Variants in GABRB1 observed in about 807,000 individuals in gnomAD.
GABRB1 encodes gamma-aminobutyric acid receptor subunit beta-1.
A neutral mutation model predicts 51.6 loss-of-function variants in GABRB1; 17 were observed. That is an observed-to-expected ratio of 0.33 (90% CI 0.23 to 0.49). The LOEUF (loss-of-function observed/expected upper bound fraction) is 0.49. GABRB1 is among the 20% of genes least tolerant of loss of function. The pLI is 0.99. For missense variants in GABRB1, 410 were observed against 600.6 expected (o/e 0.68, Z 3.32); for synonymous variants, 247 against 218.9 (o/e 1.13, Z -1.14).
intron 1 of GABRB1, among the ~76,000 whole-genome samples, chr4:47,002,879 A>G (rs566195260): frequency 2.6e-5 from 4 of 152,342 alleles, no homozygotes; most frequent in Non-Finnish European, 2.9e-5. Flanking sequence ...GAATGTCATA[A>G]GAATAGAAGG....
chr4:47,059,690 T>A (rs558952208), intron 3 of GABRB1, among the ~76,000 whole-genome samples: 1 of 152,314 alleles, frequency 6.6e-6, no homozygotes, highest in African/African-American at 2.4e-5. Flanking sequence ...GTGTTCTGCC[T>A]CTGGTGGTCA....
At chr4:47,032,570 G>A (rs775871522) in intron 3 of GABRB1, 86 bp downstream of exon 3, 4 of 1,323,774 alleles carry the variant, frequency 3.0e-6, no homozygotes, top group Non-Finnish European at 4.4e-6. Flanking sequence ...TTTCATTGGC[G>A]GTCACCTCGC....
At chr4:47,093,559 C>T (rs1235490756) in intron 3 of GABRB1, among the ~76,000 whole-genome samples, 3 of 152,078 alleles carry the variant, frequency 2.0e-5, no homozygotes, top group East Asian at 1.9e-4. Flanking sequence ...TTATTTGTAC[C>T]ACCATATTTT....
intron 5 of GABRB1, among the ~76,000 whole-genome samples, chr4:47,382,503 A>C (rs1727629796): frequency 6.6e-6 from 1 of 152,232 alleles, no homozygotes; most frequent in Admixed American, 6.5e-5. Context: ...TGTAGCTATC[A>C]CTTTGCAAAA....
At chr4:47,073,505 T>C (rs753981333) in intron 3 of GABRB1, among the ~76,000 whole-genome samples, 2 of 152,046 alleles carry the variant, frequency 1.3e-5, no homozygotes, top group Non-Finnish European at 2.9e-5. Context: ...GAAAAGTGAG[T>C]AGAGTGGTAG....
intron 5 of GABRB1, among the ~76,000 whole-genome samples, chr4:47,360,799 AAT>A (rs1726780829): frequency 6.6e-6 from 1 of 152,082 alleles, no homozygotes. Flanking sequence ...GAATCCACAT[AAT>A]TAAGACCCAT....
chr4:47,228,427 GAA>G (rs891369603), intron 4 of GABRB1, among the ~76,000 whole-genome samples: 1 of 149,806 alleles, frequency 6.7e-6, no homozygotes, highest in Non-Finnish European at 1.5e-5. Flanking sequence ...AGAATTGAAA[GAA>G]AAAAAAATGC....
chr4:47,354,520 G>C (rs140437616), intron 5 of GABRB1, among the ~76,000 whole-genome samples: 1 of 151,960 alleles, frequency 6.6e-6, no homozygotes, highest in Admixed American at 6.6e-5. Context: ...TCTAAACCGG[G>C]TGCTCTCCAG....
At chr4:47,211,401 T>G (rs1026274941) in intron 4 of GABRB1, among the ~76,000 whole-genome samples, 1 of 152,184 alleles carries the variant, frequency 6.6e-6, no homozygotes, top group African/African-American at 2.4e-5. Context: ...TTAGGTATTA[T>G]TAGTTATAAT....
intron 5 of GABRB1, among the ~76,000 whole-genome samples, chr4:47,343,364 A>C (rs1310787716): frequency 2.0e-5 from 3 of 152,194 alleles, no homozygotes; most frequent in Non-Finnish European, 2.9e-5. Flanking sequence ...TGACTTCAAA[A>C]TGCAGCAACA....
chr4:47,360,975 T>C (rs1726786332), intron 5 of GABRB1, among the ~76,000 whole-genome samples: 1 of 152,144 alleles, frequency 6.6e-6, no homozygotes, highest in Non-Finnish European at 1.5e-5. Flanking sequence ...TAAATACTAT[T>C]AATATTTCCA....
intron 5 of GABRB1, among the ~76,000 whole-genome samples, chr4:47,321,424 A>G (rs1201406291): frequency 5.9e-5 from 9 of 152,202 alleles, no homozygotes; most frequent in Non-Finnish European, 1.3e-4. Flanking sequence ...ACCTACTACC[A>G]CTAAAACCTA....
chr4:47,287,870 A>T (rs2109917213), intron 4 of GABRB1, among the ~76,000 whole-genome samples: 1 of 152,296 alleles, frequency 6.6e-6, no homozygotes, highest in East Asian at 1.9e-4. Context: ...TGAGATTCTC[A>T]GCTCAACAGC....
chr4:47,402,805 G>A (rs1319562978), intron 5 of GABRB1, among the ~76,000 whole-genome samples: 1 of 152,162 alleles, frequency 6.6e-6, no homozygotes, highest in Non-Finnish European at 1.5e-5. Context: ...ATAAAAGCTT[G>A]CCAAATTTTC....
At chr4:47,278,729 A>G (rs570063465) in intron 4 of GABRB1, among the ~76,000 whole-genome samples, 3 of 152,138 alleles carry the variant, frequency 2.0e-5, no homozygotes, top group Non-Finnish European at 2.9e-5. Flanking sequence ...ATGTGATGCC[A>G]ATTCATGATA....
chr4:47,175,477 G>T (rs896027595), intron 4 of GABRB1, among the ~76,000 whole-genome samples: 1 of 152,092 alleles, frequency 6.6e-6, no homozygotes, highest in Non-Finnish European at 1.5e-5. Flanking sequence ...TCTCAACTTA[G>T]AAAGTGTCTA....
rs957986822 is a variant in GABRB1, at chr4:47,266,945, A to G, written c.462-53182A>G. ...TCACAGGTCTAGTAGTGTTTATTTT[A>G]TGAATCTAGTTGCTCTGGTGGATAA... On this transcript the variant is annotated intron_variant, in intron 4 of 8. Coordinates refer to ENST00000295454, the MANE Select transcript of GABRB1 (RefSeq NM_000812.4). 4.6e-5 allele frequency among the ~76,000 whole-genome samples: 7 copies of G among 152,010 alleles called. 1 individual carries two copies. In the South Asian group the frequency reaches 8.3e-4, roughly 18 times the overall value.
chr4:47,227,524 G>A (rs181946836), intron 4 of GABRB1, among the ~76,000 whole-genome samples: 7 of 152,172 alleles, frequency 4.6e-5, no homozygotes, highest in African/African-American at 7.2e-5. Flanking sequence ...TCTGAACTGC[G>A]GTGAAGTTAT....
intron 3 of GABRB1, among the ~76,000 whole-genome samples, chr4:47,058,021 T>C (rs1027807154): frequency 7.2e-5 from 11 of 152,144 alleles, no homozygotes; most frequent in Non-Finnish European, 1.3e-4. Context: ...ACAAAATGCA[T>C]AGCACAGATT....
Sources: gnomAD v4.1 joint callset for allele counts (sites outside exome capture counted in the v4.1 genomes callset) on GRCh38, gnomAD v4.1.1 for gene constraint, MANE v1.5 for transcripts, NCBI Gene and HGNC (gene_info 2026-07-23, HGNC 2026-07-21) for gene names.